VPS36: variants seen among roughly 807,000 people sequenced by gnomAD.
VPS36 encodes the protein vacuolar protein-sorting-associated protein 36.
Under a neutral mutation model 63.5 loss-of-function variants are expected in VPS36, and 31 were observed. The observed-to-expected ratio is 0.49, with a 90% CI of 0.37 to 0.66. The LOEUF is 0.66. VPS36 is among the 30% of genes least tolerant of loss of function. The pLI, the probability that VPS36 is intolerant of heterozygous loss-of-function variation, is 0.00. For synonymous variants in VPS36, 138 were observed against 157.2 expected (o/e 0.88, Z 0.91); for missense variants, 338 against 463.7 (o/e 0.73, Z 2.49).
intron 1 of VPS36, among the ~76,000 whole-genome samples, chr13:52,446,001 AG>A (rs1271294763): frequency 1.4e-5 from 2 of 143,514 alleles, no homozygotes; most frequent in East Asian, 4.2e-4. Context: ...CTGTAATCCC[AG>A]CACTTTGGGA....
Position 52,442,445 on chromosome 13 carries a change from T to C in VPS36, c.97A>G (p.Ile33Val). 6.2e-7 allele frequency: 1 copy of C among 1,609,840 alleles called. No individual in the cohort carries two copies. The highest frequency in any genetic ancestry group is 8.5e-7 in the Non-Finnish European group (1 of 1,178,628). ...GVRIYDGEEKIKFDAGTLLLS... is the reference protein window; with the variant it reads ...GVRIYDGEEKVKFDAGTLLLS... Reference sequence around the variant, plus strand: ...AGGAGAGTCCCAGCATCAAATTTTATCTAGAAAGAAAGAGCATCACAAAAT... The same window carrying C: ...AGGAGAGTCCCAGCATCAAATTTTACCTAGAAAGAAAGAGCATCACAAAAT... The change falls in exon 2 of 14, where the codon ATA becomes GTA. Residue 33 changes from isoleucine to valine, a missense_variant and splice_region_variant. Coordinates refer to ENST00000378060, the MANE Select transcript of VPS36 (RefSeq NM_016075.4).
intron 1 of VPS36, among the ~76,000 whole-genome samples, chr13:52,449,355 T>TA (rs1958376733): frequency 6.6e-6 from 1 of 152,040 alleles, no homozygotes. Context: ...ATAAATTAAT[T>TA]AATTAAATTA....
At chr13:52,433,562 A>C in intron 6 of VPS36, 100 bp downstream of exon 6, 1 of 1,004,752 alleles carries the variant, frequency 1.0e-6, no homozygotes, top group African/African-American at 1.6e-5. Flanking sequence ...CAGGCAAATG[A>C]AATATATTCT....
Position 52,439,173 on chromosome 13 carries a change from G to C in VPS36, c.166-5C>G. On this transcript the variant is annotated splice_region_variant and splice_polypyrimidine_tract_variant and intron_variant, in intron 2 of 13. Transcript: ENST00000378060. Reference sequence around the variant, plus strand: ...GAGAATGGCCATGCAACACTCCTAGGAGGAAATCAATAGCTTAAATGAAAG... The same window carrying C: ...GAGAATGGCCATGCAACACTCCTAGCAGGAAATCAATAGCTTAAATGAAAG... 6.2e-7 allele frequency: 1 copy of C among 1,612,844 alleles called. No individual in the cohort carries two copies. The highest frequency in any genetic ancestry group is 8.5e-7 in the Non-Finnish European group (1 of 1,179,390).
intron 10 of VPS36, 144 bp from the exon 11 acceptor site, chr13:52,418,200 A>G (rs1313172860): frequency 1.3e-5 from 9 of 691,502 alleles, no homozygotes; most frequent in Admixed American, 3.3e-5. Flanking sequence ...GGAACCAAAG[A>G]CTTCTATTCC....
At chr13:52,444,858 T>C (rs1234526967) in intron 1 of VPS36, among the ~76,000 whole-genome samples, 1 of 152,176 alleles carries the variant, frequency 6.6e-6, no homozygotes, top group Non-Finnish European at 1.5e-5. Flanking sequence ...ATCACAGGCA[T>C]GTATAACTTC....
chr13:52,424,857 G>A (rs1958082907), intron 9 of VPS36, among the ~76,000 whole-genome samples: 2 of 152,022 alleles, frequency 1.3e-5, no homozygotes, highest in Admixed American at 1.3e-4. Context: ...GCGTGGTGGT[G>A]GGCGCCTGTA....
chr13:52,442,868 A>C (rs1164702053), intron 1 of VPS36, among the ~76,000 whole-genome samples: 1 of 152,218 alleles, frequency 6.6e-6, no homozygotes, highest in African/African-American at 2.4e-5. Flanking sequence ...GAACACAATT[A>C]TCTGTTAACA....
At chr13:52,438,798 C>T (rs545151809) in intron 3 of VPS36, among the ~76,000 whole-genome samples, 1 of 152,288 alleles carries the variant, frequency 6.6e-6, no homozygotes. Flanking sequence ...ACTTAATGAT[C>T]AGGCTAGAAA....
chr13:52,416,361 A>AT (rs1957992260), intron 12 of VPS36: 1 of 358,936 alleles, frequency 2.8e-6, no homozygotes, highest in Non-Finnish European at 5.0e-6. Context: ...CACTGTACTA[A>AT]AGCCTAAAAA....
At chr13:52,436,866 C>T (rs1338081920) in intron 3 of VPS36, among the ~76,000 whole-genome samples, 2 of 152,198 alleles carry the variant, frequency 1.3e-5, no homozygotes, top group East Asian at 1.9e-4. Flanking sequence ...TAACATTCTA[C>T]AGTATCATTT....
chr13:52,423,867 A>T (rs1481818099), intron 9 of VPS36, among the ~76,000 whole-genome samples: 1 of 151,422 alleles, frequency 6.6e-6, no homozygotes. Flanking sequence ...TTTTATTTTT[A>T]TTTTTTTTGA....
chr13:52,427,247 AATCC>A (rs752531248), intron 6 of VPS36, 28 bp from the exon 7 acceptor site: 1 of 1,608,260 alleles, frequency 6.2e-7, no homozygotes. Context: ...TTTTGGTTGA[AATCC>A]ATCTAAAGAA....
At chr13:52,430,887 C>T (rs1455802675) in intron 6 of VPS36, among the ~76,000 whole-genome samples, 1 of 150,322 alleles carries the variant, frequency 6.7e-6, no homozygotes, top group East Asian at 1.9e-4. Flanking sequence ...ACACTTCATG[C>T]CAGACCAAAA....
chr13:52,445,660 G>A (rs1400416726), intron 1 of VPS36, among the ~76,000 whole-genome samples: 1 of 122,948 alleles, frequency 8.1e-6, no homozygotes, highest in Non-Finnish European at 1.7e-5. Flanking sequence ...AAAAAAGGCC[G>A]GGCGCAGTGG....
chr13:52,427,255 T>A, intron 6 of VPS36, 36 bp from the exon 7 acceptor site: 1 of 1,598,906 alleles, frequency 6.3e-7, no homozygotes, highest in Admixed American at 1.8e-5. Flanking sequence ...GAAATCCATC[T>A]AAAGAATTAA....
At chr13:52,444,115 G>C (rs1282869669) in intron 1 of VPS36, among the ~76,000 whole-genome samples, 1 of 152,220 alleles carries the variant, frequency 6.6e-6, no homozygotes, top group Admixed American at 6.5e-5. Flanking sequence ...TTTAGTGAGT[G>C]TCCAGTTTAT....
In VPS36 at chr13:52,415,247, C is replaced by A. The variant is rs1957983041; in HGVS notation, c.*583G>T. 1 of 152,056 alleles carries A rather than the reference C, an allele frequency of 6.6e-6. No individual in the cohort carries two copies. 9.4% of individuals were successfully genotyped at this position (152,056 alleles called of 1,614,324 possible). On this transcript the variant is annotated 3_prime_UTR_variant, in exon 14 of 14. Transcript: ENST00000378060. ...ATTCTTTAAATGCCAGTCATGAAAT[C>A]ATCACTTAAAAAAACAAAGAGAAAC...
chr13:52,426,145 C>T, intron 8 of VPS36, 79 bp from the exon 9 acceptor site: 1 of 1,545,066 alleles, frequency 6.5e-7, no homozygotes, highest in Non-Finnish European at 8.8e-7. Context: ...AATTCAATTC[C>T]ACTCAATTAT....
Sources: allele counts gnomAD v4.1 joint callset (sites outside exome capture counted in the v4.1 genomes callset), GRCh38; gene constraint gnomAD v4.1.1; transcripts MANE v1.5; gene names NCBI Gene and HGNC (gene_info 2026-07-23, HGNC 2026-07-21).